Variants in FKBP4 observed in about 807,000 individuals in gnomAD.
The protein encoded by FKBP4 is FKBP prolyl isomerase 4.
In FKBP4, 28 loss-of-function variants were observed where a neutral mutation model predicts 54.1. The ratio of observed to expected loss-of-function variants is 0.52; its 90% confidence interval spans 0.38 to 0.71. FKBP4 has a LOEUF of 0.71. Among genes scored for constraint, FKBP4 ranks in the 30% least tolerant of loss-of-function variants. The pLI, the probability that FKBP4 is intolerant of heterozygous loss-of-function variation, is 0.00. For synonymous variants in FKBP4, 223 were observed against 216.1 expected, an observed-to-expected ratio of 1.03 and a Z score of -0.28; for missense variants, 493 against 574.4, an observed-to-expected ratio of 0.86 and a Z score of 1.45.
At chr12:2,796,850 A>G in intron 1 of FKBP4, 3 of 1,206,180 alleles carry the variant, frequency 2.5e-6, no homozygotes, top group Non-Finnish European at 3.1e-6. Context: ...CTTTACAAAT[A>G]AAGTGTGGAG....
Position 2,799,901 on chromosome 12 carries a change from T to C in FKBP4, c.723T>C (p.Ala241=). 6.2e-7 allele frequency: 1 copy of C among 1,614,238 alleles called. No individual in the cohort carries two copies. Among genetic ancestry groups the C allele is most frequent in the African/African-American group, 1.3e-5 (1 of 75,066 alleles). Reference sequence around the variant, plus strand: ...AAAAGTTCCAAATCCCACCAAATGCTGAGCTGAAATATGAATTACACCTCA... The same window carrying C: ...AAAAGTTCCAAATCCCACCAAATGCCGAGCTGAAATATGAATTACACCTCA... The part of the protein sequence containing the change: ...GKEKFQIPPN[A]ELKYELHLKS... Residue 241 remains alanine (A), a synonymous_variant, in exon 6 of 10, where the codon GCT becomes GCC. Coordinates refer to ENST00000001008, the MANE Select transcript of FKBP4 (RefSeq NM_002014.4).
At position 2,803,205 on chromosome 12, in the gene FKBP4, G is replaced by C; in HGVS notation, c.1327G>C (p.Glu443Gln). The change falls in exon 10 of 10, where the codon GAG becomes CAG. Residue 443 changes from glutamate (E) to glutamine (Q), a missense_variant. Coordinates refer to ENST00000001008, the MANE Select transcript of FKBP4 (RefSeq NM_002014.4). ...TCCCACTGACACAGAGATGAAGGAG[G>C]AGCAGAAGAGCAACACGGCAGGGAG... ...DHPTDTEMKE[E>Q]QKSNTAGSQS... 1 of 1,605,010 alleles carries C rather than the reference G, an allele frequency of 6.2e-7. No homozygotes were observed.
In FKBP4 at chr12:2,795,078, C is replaced by T; in HGVS notation, c.-62C>T. On this transcript the variant is annotated 5_prime_UTR_variant, in exon 1 of 10. Coordinates refer to ENST00000001008, the MANE Select transcript of FKBP4 (RefSeq NM_002014.4). The surrounding 1 kb of genome is among the most constrained non-coding windows in gnomAD (Gnocchi z 4.3). ...CACGCCCCGCAGGTAGCGCCCCCGCCCGCGGCCCAGAGTGCGCTCGCGCCG... is the reference window on the plus strand; with the variant it reads ...CACGCCCCGCAGGTAGCGCCCCCGCTCGCGGCCCAGAGTGCGCTCGCGCCG... 1.8e-6 allele frequency: 2 copies of T among 1,094,676 alleles called. No homozygotes were observed. Among genetic ancestry groups the T allele is most frequent in the South Asian group, 4.3e-5 (1 of 23,464 alleles). 67.8% of individuals were successfully genotyped at this position (1,094,676 alleles called of 1,614,324 possible). A position where few individuals can be genotyped will look rare whatever the true frequency, so the allele number is the denominator to read the frequency against.
In FKBP4 at chr12:2,799,097, A is replaced by G. The variant is rs776164317; in HGVS notation, c.524A>G (p.Glu175Gly). 1.9e-6 allele frequency: 3 copies of G among 1,538,736 alleles called. No homozygotes were observed. The change falls in exon 5 of 10, where the codon GAA (glutamate) becomes GGA (glycine). Residue 175 changes from glutamate to glycine, a missense_variant. Coordinates refer to ENST00000001008, the MANE Select transcript of FKBP4 (RefSeq NM_002014.4). ...NEGAIVEVAL[E>G]GYYKDKLFDQ... ...CTCTCTTTCATGCCAGTTGCACTGG[A>G]AGGGTACTACAAGGACAAGCTCTTT...
chr12:2,798,646 T>C lies in FKBP4; in HGVS notation c.394-60T>C, dbSNP rs976342039. On this transcript the variant is annotated intron_variant, in intron 3 of 9. Transcript: ENST00000001008. The surrounding 1 kb of genome is among the most constrained non-coding windows in gnomAD (Gnocchi z 4.3). Reference sequence around the variant, plus strand: ...TAGGGACTCTCTCGGATGAGAAAGATTGTGTTTCACTGCCCATGAGTTAGC... The same window carrying C: ...TAGGGACTCTCTCGGATGAGAAAGACTGTGTTTCACTGCCCATGAGTTAGC... The C allele has an allele frequency of 6.2e-7, 1 of 1,609,182 alleles. No homozygotes were observed.
Position 2,798,691 on chromosome 12 carries a change from C to T in FKBP4, c.394-15C>T, listed in dbSNP as rs187934113. ...GTTAGCATGGGAAGGAATTGTGTCA[C>T]ATCTTGTCCCACAGGTGGAGTTGTT... is the stretch of plus-strand genomic sequence containing the variant. On this transcript the variant is annotated splice_polypyrimidine_tract_variant and intron_variant, in intron 3 of 9. Transcript: ENST00000001008. This position sits in a 1 kb window ranked among gnomAD's most constrained non-coding sequence, Gnocchi z 4.3. 3,444 of 1,613,000 alleles carry T rather than the reference C, an allele frequency of 2.1e-3. 49 individuals are homozygous for T. The highest frequency in any genetic ancestry group is 1.0e-3 in the Non-Finnish European group (1,186 of 1,179,942).
chr12:2,796,055 G>C, intron 1 of FKBP4: 1 of 1,178,954 alleles, frequency 8.5e-7, no homozygotes, highest in Non-Finnish European at 1.1e-6. Flanking sequence ...TGCGGGGAGG[G>C]CATCTTGACC....
chr12:2,803,794 CCT>C lies in FKBP4; in HGVS notation c.*537_*538del, dbSNP rs534905546. On this transcript the variant is annotated 3_prime_UTR_variant, in exon 10 of 10. Coordinates refer to ENST00000001008, the MANE Select transcript of FKBP4 (RefSeq NM_002014.4). The stretch of plus-strand genomic sequence containing the variant: ...TCTTCTGGTGTCATGGTGACCACCC[CCT>C]GTTCCCTGTTCTGGTATTTCCCCTG... The C allele has an allele frequency of 3.4e-4, 53 of 153,814 alleles. 1 individual carries two copies. The East Asian group carries it at 7.3e-3, about 21-fold the overall frequency. 9.5% of individuals were successfully genotyped at this position (153,814 alleles called of 1,614,324 possible).
At chr12:2,801,025 C>T in intron 8 of FKBP4, 92 bp from the exon 9 acceptor site, 2 of 1,534,770 alleles carry the variant, frequency 1.3e-6, no homozygotes, top group Admixed American at 2.0e-5. Flanking sequence ...TCCTCCTCAT[C>T]CTCCTGAGGG....
At chr12:2,802,520 TAAA>T (rs1463580845) in intron 9 of FKBP4, among the ~76,000 whole-genome samples, 1 of 152,186 alleles carries the variant, frequency 6.6e-6, no homozygotes, top group African/African-American at 2.4e-5. Flanking sequence ...GTAACCATGT[TAAA>T]AAGGTGAAAA....
chr12:2,797,956 T>G (rs917521724), intron 3 of FKBP4, 85 bp downstream of exon 3: 26 of 1,502,332 alleles, frequency 1.7e-5, no homozygotes, highest in Non-Finnish European at 2.1e-5. Flanking sequence ...CCTTCCTGCT[T>G]CTTGGAGACA....
At chr12:2,801,420 TC>T in intron 9 of FKBP4, 64 bp downstream of exon 9, 1 of 1,600,908 alleles carries the variant, frequency 6.2e-7, no homozygotes, top group Non-Finnish European at 8.5e-7. Flanking sequence ...TACTGTGGGC[TC>T]TTTGTGCCTT....
At position 2,795,895 on chromosome 12, in the gene FKBP4, GGCCGGGCGCGGGGCAT is replaced by G; in HGVS notation, c.105+658_105+673del. On this transcript the variant is annotated intron_variant, in intron 1 of 9. Transcript: ENST00000001008. This position sits in a 1 kb window ranked among gnomAD's most constrained non-coding sequence, Gnocchi z 4.3. ...GCGCCCCCTCCCTCGGCCCCGGGGA[GGCCGGGCGCGGGGCAT>G]GCCGGGAGCTGTAGTCCCCTCCCCC... The G allele has an allele frequency of 3.1e-6, 3 of 964,298 alleles. No individual in the cohort carries two copies. Among genetic ancestry groups the G allele is most frequent in the Non-Finnish European group, 3.7e-6 (3 of 808,824 alleles). The allele number at this position is 964,298 out of a possible 1,614,324, so 59.7% of individuals were successfully genotyped here. A position where few individuals can be genotyped will look rare whatever the true frequency, so the allele number is the denominator to read the frequency against.
At chr12:2,796,004 T>A in intron 1 of FKBP4, 1 of 1,151,768 alleles carries the variant, frequency 8.7e-7, no homozygotes, top group Non-Finnish European at 1.1e-6. Flanking sequence ...CTGTGGAGCC[T>A]GCCGCCGAGT....
chr12:2,802,704 A>G (rs1310136581), intron 9 of FKBP4, among the ~76,000 whole-genome samples: 6 of 152,172 alleles, frequency 3.9e-5, no homozygotes, highest in Admixed American at 1.3e-4. Context: ...TCATGAGTTC[A>G]TAATTTGTAC....
rs756286274 is a variant in FKBP4 at position 2,798,709 on chromosome 12, G to A, written c.397G>A (p.Glu133Lys). ...PPNATLVFEVELFEFKGEDLT... is the reference protein window; with the variant it reads ...PPNATLVFEVKLFEFKGEDLT... The stretch of plus-strand genomic sequence containing the variant: ...TGTGTCACATCTTGTCCCACAGGTG[G>A]AGTTGTTTGAGTTTAAGGGAGAAGA... The change falls in exon 4 of 10, where the codon GAG becomes AAG. Residue 133 changes from glutamate to lysine, a missense_variant. Coordinates refer to ENST00000001008, the MANE Select transcript of FKBP4 (RefSeq NM_002014.4). This position sits in a 1 kb window ranked among gnomAD's most constrained non-coding sequence, Gnocchi z 4.3. The A allele has an allele frequency of 9.3e-6, 15 of 1,613,462 alleles. No individual in the cohort carries two copies. Among genetic ancestry groups the A allele is most frequent in the Non-Finnish European group, 1.3e-5 (15 of 1,180,024 alleles).
rs764190755 is a variant in FKBP4, at chr12:2,799,956, G to T, written c.762+16G>T. The stretch of plus-strand genomic sequence containing the variant: ...TTTTGAAAAGGTAAGTTTGCTCAGG[G>T]TCTTCCCATCTAAAGTCAAGTTCCA... On this transcript the variant is annotated intron_variant, in intron 6 of 9. Transcript: ENST00000001008. The T allele has an allele frequency of 2.5e-6, 4 of 1,613,834 alleles. No homozygotes were observed. The East Asian group carries it at 8.9e-5, about 36-fold the overall frequency.
In FKBP4 at chr12:2,798,705, G is replaced by A. The variant is rs1463963944; in HGVS notation, c.394-1G>A. On this transcript the variant is annotated splice_acceptor_variant, in intron 3 of 9. Coordinates refer to ENST00000001008, the MANE Select transcript of FKBP4 (RefSeq NM_002014.4). LOFTEE classifies it high-confidence loss of function. The surrounding 1 kb of genome is among the most constrained non-coding windows in gnomAD (Gnocchi z 4.3). The stretch of plus-strand genomic sequence containing the variant: ...GAATTGTGTCACATCTTGTCCCACA[G>A]GTGGAGTTGTTTGAGTTTAAGGGAG... 1 of 1,613,516 alleles carries A rather than the reference G, an allele frequency of 6.2e-7. No homozygotes were observed. Among genetic ancestry groups the A allele is most frequent in the East Asian group, 2.2e-5 (1 of 44,882 alleles).
Position 2,798,902 on chromosome 12 carries a change from C to T in FKBP4, c.514+76C>T, listed in dbSNP as rs1006580665. 162 of 1,520,036 alleles carry T rather than the reference C, an allele frequency of 1.1e-4. 1 individual carries two copies. The highest frequency in any genetic ancestry group is 2.3e-4 in the African/African-American group (17 of 73,116). The allele number at this position is 1,520,036 out of a possible 1,614,324, so 94.2% of individuals were successfully genotyped here. ...TGTGTGGCTTTGGGCAAGACACTTC[C>T]GTTCTCCGAGCCTATCTTCTTGTCC... On this transcript the variant is annotated intron_variant, in intron 4 of 9. Coordinates refer to ENST00000001008, the MANE Select transcript of FKBP4 (RefSeq NM_002014.4). The surrounding 1 kb of genome is among the most constrained non-coding windows in gnomAD (Gnocchi z 4.3).
Sources: gnomAD v4.1 joint callset for allele counts (sites outside exome capture counted in the v4.1 genomes callset) on GRCh38, gnomAD v4.1.1 for gene constraint, Gnocchi (gnomAD v3.1) non-coding constraint, MANE v1.5 for transcripts, NCBI Gene and HGNC (gene_info 2026-07-23, HGNC 2026-07-21) for gene names.